The following PDE6C variants were observed in gnomAD, a reference collection of about 807,000 sequenced individuals.
The protein encoded by PDE6C is cone cGMP-specific 3',5'-cyclic phosphodiesterase subunit alpha'.
A neutral mutation model predicts 113.1 loss-of-function variants in PDE6C; 75 were observed. The ratio of observed to expected loss-of-function variants is 0.66; its 90% CI spans 0.55 to 0.80. PDE6C has a LOEUF of 0.80. Among genes scored for constraint, PDE6C ranks in the 30% least tolerant of loss-of-function variants. The pLI is 0.00. For synonymous variants in PDE6C, 375 were observed against 363.7 expected (o/e 1.03, Z -0.35); for missense variants, 912 against 1,038.6 (o/e 0.88, Z 1.67).
At chr10:93,625,750 T>C (rs1288482772) in intron 5 of PDE6C, 101 bp downstream of exon 5, 4 of 778,392 alleles carry the variant, frequency 5.1e-6, no homozygotes, top group African/African-American at 5.1e-5. Context: ...AGACCTGGAG[T>C]AGTAGAAACA....
chr10:93,622,669 T>TTTTTTTTTTTTTTTTTTC lies in PDE6C; in HGVS notation c.864+606_864+607insTTTTTTTTCTTTTTTTTT. Among the ~76,000 whole-genome samples, 2 of 137,436 alleles carry TTTTTTTTTTTTTTTTTTC rather than the reference T, an allele frequency of 1.5e-5. 1 individual carries two copies. The highest frequency in any genetic ancestry group is 3.2e-5 in the Non-Finnish European group (2 of 61,900). The allele number at this position is 137,436 out of a possible 152,430, so 90.2% of individuals were successfully genotyped here. Reference sequence around the variant, plus strand: ...TTTTTTGTTTTTTTTTTTGTTGTTTTTTTTTTTTTGCTGTTTCTATAGTTT... The same window carrying TTTTTTTTTTTTTTTTTTC: ...TTTTTTGTTTTTTTTTTTGTTGTTTTTTTTTTTTTTTTTTTTTCTTTTTTTTTGCTGTTTCTATAGTTT... On this transcript the variant is annotated intron_variant, in intron 4 of 21. Coordinates refer to ENST00000371447, the MANE Select transcript of PDE6C (RefSeq NM_006204.4).
chr10:93,644,966 A>T (rs1185026454), intron 14 of PDE6C, among the ~76,000 whole-genome samples: 1 of 141,218 alleles, frequency 7.1e-6, no homozygotes, highest in Non-Finnish European at 1.6e-5. Context: ...CAAAATAATG[A>T]AATCTTGTCA....
At chr10:93,629,201 A>AC in intron 7 of PDE6C, 57 bp from the exon 8 acceptor site, 2 of 1,345,942 alleles carry the variant, frequency 1.5e-6, no homozygotes, top group South Asian at 2.3e-5. Flanking sequence ...TGCTTTGTGG[A>AC]TCAAGAGGGC....
intron 8 of PDE6C, among the ~76,000 whole-genome samples, chr10:93,632,271 C>A (rs749527520): frequency 6.6e-6 from 1 of 152,196 alleles, no homozygotes; most frequent in Non-Finnish European, 1.5e-5. Context: ...ATTCTATCTG[C>A]AACCTTAGTT....
chr10:93,616,754 A>G (rs1371282355), intron 1 of PDE6C, among the ~76,000 whole-genome samples: 4 of 148,738 alleles, frequency 2.7e-5, no homozygotes, highest in Admixed American at 6.8e-5. Context: ...CCCAAGTTAG[A>G]GCCATTCTCC....
chr10:93,655,628 A>T (rs1183867319), intron 15 of PDE6C, 132 bp from the exon 16 acceptor site: 3 of 544,946 alleles, frequency 5.5e-6, no homozygotes, highest in African/African-American at 4.0e-5. Context: ...AAAAAAAAAA[A>T]GGAAGGAAAA....
Position 93,665,534 on chromosome 10 carries a change from G to A in PDE6C, c.*116G>A, listed in dbSNP as rs927090723. The A allele has an allele frequency of 5.3e-5, 40 of 754,378 alleles. No individual in the cohort carries two copies. Among genetic ancestry groups the A allele is most frequent in the Non-Finnish European group, 8.4e-5 (36 of 430,794 alleles). 46.7% of individuals were successfully genotyped at this position (754,378 alleles called of 1,614,324 possible). A position where few individuals can be genotyped will look rare whatever the true frequency, so the allele number is the denominator to read the frequency against. On this transcript the variant is annotated 3_prime_UTR_variant, in exon 22 of 22. Coordinates refer to ENST00000371447, the MANE Select transcript of PDE6C (RefSeq NM_006204.4). ...ACAGGATCTTCAGAAAAACTACCCT[G>A]TGACTATGAAGAAAATATATATTGC... is the stretch of plus-strand genomic sequence containing the variant.
chr10:93,622,073 G>A lies in PDE6C; in HGVS notation c.864+1G>A, dbSNP rs1023522305. 1 of 1,613,598 alleles carries A rather than the reference G, an allele frequency of 6.2e-7. No homozygotes were observed. The highest frequency in any genetic ancestry group is 1.1e-5 in the South Asian group (1 of 91,070). On this transcript the variant is annotated splice_donor_variant, in intron 4 of 21. Transcript: ENST00000371447. LOFTEE classifies it high-confidence loss of function. The stretch of plus-strand genomic sequence containing the variant: ...ACTGCTGGACATGACCAAGGAGAAG[G>A]TTCTTATTATTCTACACATTTTGTC...
At chr10:93,646,730 A>C (rs1000472501) in intron 15 of PDE6C, among the ~76,000 whole-genome samples, 1 of 152,144 alleles carries the variant, frequency 6.6e-6, no homozygotes, top group Admixed American at 6.6e-5. Context: ...TATCATGACC[A>C]AGGAGGATGG....
intron 14 of PDE6C, among the ~76,000 whole-genome samples, chr10:93,643,003 T>C (rs1589700557): frequency 6.6e-6 from 1 of 152,182 alleles, no homozygotes; most frequent in Non-Finnish European, 1.5e-5. Context: ...TCTTGATCAG[T>C]AGTATACTAG....
At chr10:93,627,216 C>T (rs763386357) in intron 7 of PDE6C, among the ~76,000 whole-genome samples, 29 of 135,966 alleles carry the variant, frequency 2.1e-4, no homozygotes, top group Non-Finnish European at 2.9e-4. Context: ...GAGCCAAGAT[C>T]GCGCCATTGC....
chr10:93,662,342 A>G (rs1239858585), intron 19 of PDE6C, among the ~76,000 whole-genome samples: 4 of 151,668 alleles, frequency 2.6e-5, no homozygotes, highest in African/African-American at 9.7e-5. Flanking sequence ...GCATGCCTGT[A>G]GTCCCAGCCA....
intron 11 of PDE6C, among the ~76,000 whole-genome samples, 200 bp downstream of exon 11, chr10:93,637,263 C>A (rs1362399828): frequency 6.6e-6 from 1 of 152,042 alleles, no homozygotes; most frequent in Non-Finnish European, 1.5e-5. Context: ...CGCCTCTGGT[C>A]CAATTCATAC....
At chr10:93,635,028 C>A in intron 9 of PDE6C, 121 bp downstream of exon 9, 1 of 1,002,580 alleles carries the variant, frequency 1.0e-6, no homozygotes, top group Non-Finnish European at 1.5e-6. Flanking sequence ...TCACACATAG[C>A]TGTAACCAAT....
At position 93,665,573 on chromosome 10, in the gene PDE6C, C is replaced by A; in HGVS notation, c.*155C>A. 1 of 620,578 alleles carries A rather than the reference C, an allele frequency of 1.6e-6. No individual in the cohort carries two copies. The allele number at this position is 620,578 out of a possible 1,614,324, so 38.4% of individuals were successfully genotyped here. The stretch of plus-strand genomic sequence containing the variant: ...AATATATATTGCTAGCCCAAAAATC[C>A]CAGGGGCAAAATAAAGTTCAACAAA... On this transcript the variant is annotated 3_prime_UTR_variant, in exon 22 of 22. Transcript: ENST00000371447.
chr10:93,629,317 C>T lies in PDE6C; in HGVS notation c.1119+12C>T, dbSNP rs755305715. On this transcript the variant is annotated intron_variant, in intron 8 of 21. Coordinates refer to ENST00000371447, the MANE Select transcript of PDE6C (RefSeq NM_006204.4). ...ACTTCACATTTCAGGTAACTGCACTCTGGGTCAGACCTCACCTCTTGGGGC... is the reference window on the plus strand; with the variant it reads ...ACTTCACATTTCAGGTAACTGCACTTTGGGTCAGACCTCACCTCTTGGGGC... The T allele has an allele frequency of 7.5e-6, 12 of 1,594,768 alleles. No homozygotes were observed. The highest frequency in any genetic ancestry group is 1.7e-5 in the Admixed American group (1 of 59,996).
At chr10:93,621,758 A>G (rs2058447616) in intron 3 of PDE6C, among the ~76,000 whole-genome samples, 174 bp from the exon 4 acceptor site, 1 of 152,130 alleles carries the variant, frequency 6.6e-6, no homozygotes, top group Non-Finnish European at 1.5e-5. Context: ...TCATCATCTC[A>G]CCTAGAGGAT....
chr10:93,634,492 C>T (rs1239076012), intron 8 of PDE6C, among the ~76,000 whole-genome samples: 2 of 152,124 alleles, frequency 1.3e-5, no homozygotes, highest in Non-Finnish European at 2.9e-5. Context: ...CATATATGTG[C>T]AAAAGTAACT....
At chr10:93,629,122 G>A (rs186479121) in intron 7 of PDE6C, 136 bp from the exon 8 acceptor site, 2 of 755,430 alleles carry the variant, frequency 2.6e-6, no homozygotes, top group East Asian at 2.5e-5. Context: ...CCTAGTTGAG[G>A]TCCATTTGCC....
Sources: gnomAD v4.1 joint callset for allele counts (sites outside exome capture counted in the v4.1 genomes callset) on GRCh38, gnomAD v4.1.1 for gene constraint, MANE v1.5 for transcripts, NCBI Gene and HGNC (gene_info 2026-07-23, HGNC 2026-07-21) for gene names.